The following DNAH12 variants were observed in gnomAD, a reference collection of about 807,000 sequenced individuals.
DNAH12 encodes axonemal beta dynein heavy chain 12.
A neutral mutation model predicts 371.5 loss-of-function variants in DNAH12; 285 were observed. The ratio of observed to expected loss-of-function variants is 0.77; its 90% CI spans 0.70 to 0.85. DNAH12 has a LOEUF of 0.85. Among genes scored for constraint, DNAH12 ranks in the 40% least tolerant of loss-of-function variants. The pLI, the probability that DNAH12 is intolerant of heterozygous loss-of-function variation, is 0.00. For missense variants in DNAH12, 3,611 were observed against 3,689.4 expected (o/e 0.98, Z 0.55); for synonymous variants, 1,200 against 1,213.0 (o/e 0.99, Z 0.22).
At chr3:57,322,819 AC>A (rs2061838903) in intron 64 of DNAH12, among the ~76,000 whole-genome samples, 187 bp downstream of exon 64, 1 of 152,188 alleles carries the variant, frequency 6.6e-6, no homozygotes. Flanking sequence ...AATCCCAGCT[AC>A]TGGGGAGGCT....
intron 70 of DNAH12, among the ~76,000 whole-genome samples, chr3:57,299,271 A>G (rs762577583): frequency 3.9e-5 from 6 of 152,340 alleles, no homozygotes; most frequent in Non-Finnish European, 5.9e-5. Context: ...CCTCTGAATT[A>G]GCTACCATTT....
intron 59 of DNAH12, among the ~76,000 whole-genome samples, chr3:57,354,600 C>A (rs1486537692): frequency 2.0e-5 from 3 of 149,800 alleles, no homozygotes; most frequent in Non-Finnish European, 4.4e-5. Flanking sequence ...CATAACCCAG[C>A]AATTGCACTC....
chr3:57,491,940 A>G (rs1407612206), intron 11 of DNAH12, among the ~76,000 whole-genome samples: 2 of 152,082 alleles, frequency 1.3e-5, no homozygotes, highest in African/African-American at 4.8e-5. Flanking sequence ...CAGAAGGCAG[A>G]GGCTGCGTTG....
chr3:57,510,399 G>A (rs1559736602), intron 5 of DNAH12, among the ~76,000 whole-genome samples: 2 of 152,136 alleles, frequency 1.3e-5, no homozygotes, highest in African/African-American at 4.8e-5. Flanking sequence ...AGCACTTTGG[G>A]AGGCTGAGGT....
chr3:57,550,915 G>T, the DNAH12 span, among the ~76,000 whole-genome samples: 2 of 142,158 alleles, frequency 1.4e-5, no homozygotes, highest in African/African-American at 5.3e-5. Context: ...GTCTCGCTCT[G>T]TCGCTGAGGC....
rs935973775 is a variant in DNAH12, at chr3:57,384,311, T to C, written c.7860+518A>G. On this transcript the variant is annotated intron_variant, in intron 49 of 73. Transcript: ENST00000495027. Reference sequence around the variant, plus strand: ...TCTATTCGTCTCATTCCCACTAGAATATCCTCAATGAAAATTATAAATAAT... The same window carrying C: ...TCTATTCGTCTCATTCCCACTAGAACATCCTCAATGAAAATTATAAATAAT... 4.1e-4 allele frequency among the ~76,000 whole-genome samples: 63 copies of C among 152,106 alleles called. No individual in the cohort carries two copies. In the East Asian group the frequency reaches 8.3e-3, roughly 20 times the overall value.
rs1289368710 is a variant in DNAH12 at position 57,421,541 on chromosome 3, G to C, written c.5539C>G (p.Leu1847Val). The change falls in exon 36 of 74, where the codon CTG becomes GTG. Residue 1847 changes from leucine to valine, a missense_variant. Transcript: ENST00000495027. ...ACCTCATACATGTAGTCATAGACCAGGCCTTTTTCATCAAATGGGCATTCC... is the reference window on the plus strand; with the variant it reads ...ACCTCATACATGTAGTCATAGACCACGCCTTTTTCATCAAATGGGCATTCC... ...KWECPFDEKG[L>V]VYDYMYELKN... 3.2e-6 allele frequency: 5 copies of C among 1,551,542 alleles called. 1 individual carries two copies. Among genetic ancestry groups the C allele is most frequent in the Middle Eastern group, 3.3e-4 (2 of 5,990 alleles).
chr3:57,387,987 TTC>T (rs2063530322), intron 45 of DNAH12, among the ~76,000 whole-genome samples: 3 of 152,150 alleles, frequency 2.0e-5, no homozygotes, highest in Admixed American at 6.6e-5. Flanking sequence ...TAGGTTGGGT[TTC>T]TGTTACTGGG....
chr3:57,452,717 A>G, intron 25 of DNAH12, 126 bp downstream of exon 25: 1 of 900,430 alleles, frequency 1.1e-6, no homozygotes, highest in Non-Finnish European at 1.6e-6. Context: ...AATTTTGCAT[A>G]AAGAGAATTC....
At chr3:57,477,001 C>T (rs191359923) in intron 13 of DNAH12, among the ~76,000 whole-genome samples, 3,659 of 152,192 alleles carry the variant, frequency 0.024, 67 homozygotes, top group Non-Finnish European at 0.034. Context: ...GTGTGAGCGA[C>T]GCAGAAGATG....
the DNAH12 span, among the ~76,000 whole-genome samples, chr3:57,555,045 C>A: frequency 1.4e-4 from 22 of 152,050 alleles, no homozygotes; most frequent in Admixed American, 3.9e-4. Context: ...CAGGAGTTCG[C>A]GACCAGCCCA....
At position 57,507,723 on chromosome 3, in the gene DNAH12, T is replaced by C. The variant is rs757801552; in HGVS notation, c.817A>G (p.Lys273Glu). The C allele has an allele frequency of 2.5e-6, 4 of 1,611,642 alleles. No individual in the cohort carries two copies. Among genetic ancestry groups the C allele is most frequent in the African/African-American group, 2.7e-5 (2 of 74,812 alleles). ...TTAACACCTTCTAGTGCCTCCTTCT[T>C]GGTAAAGAGATTTATAACCTTTGGA... ...WYPKVINLFT[K>E]KEALEGVKPE... Residue 273 changes from lysine (K) to glutamate (E), a missense_variant, in exon 8 of 74, where the codon AAG (lysine) becomes GAG (glutamate). Transcript: ENST00000495027.
rs1453718134 is a variant in DNAH12, at chr3:57,428,639, T to A, written c.5247A>T (p.Lys1749Asn). 6.5e-7 allele frequency: 1 copy of A among 1,529,156 alleles called. No individual in the cohort carries two copies. The highest frequency in any genetic ancestry group is 8.8e-7 in the Non-Finnish European group (1 of 1,140,480). The allele number at this position is 1,529,156 out of a possible 1,614,324, so 94.7% of individuals were successfully genotyped here. ...IPPSLNQRKK[K>N]CKELIPTSNS... ...CAGAGAATTATAGGATTACCTTGCA[T>A]TTTTTCTTACGCTGGTTTAAAGAGG... The change falls in exon 34 of 74, where the codon AAA (lysine) becomes AAT (asparagine). Residue 1749 changes from lysine to asparagine, a missense_variant. By Grantham distance (94) the Lys-to-Asn change is moderately conservative. This residue lies in a region of DNAH12 where 2,266 missense variants were observed against 2,236.9 expected (regional missense o/e 1.01). Transcript: ENST00000495027.
chr3:57,519,746 T>G lies in DNAH12; in HGVS notation c.279+3837A>C, dbSNP rs960192191. On this transcript the variant is annotated intron_variant, in intron 4 of 73. Transcript: ENST00000495027. Reference sequence around the variant, plus strand: ...TTGTTCTGTTTCACCCACAGGGACATGCAGCAGTTGCGGAAGGAATGATTA... The same window carrying G: ...TTGTTCTGTTTCACCCACAGGGACAGGCAGCAGTTGCGGAAGGAATGATTA... 2.5e-6 allele frequency: 4 copies of G among 1,610,114 alleles called. No individual in the cohort carries two copies. In the African/African-American group the frequency reaches 4.0e-5, roughly 16 times the overall value.
intron 34 of DNAH12, among the ~76,000 whole-genome samples, 154 bp from the exon 35 acceptor site, chr3:57,425,295 T>A (rs2064730671): frequency 6.6e-6 from 1 of 152,118 alleles, no homozygotes; most frequent in Non-Finnish European, 1.5e-5. Context: ...TCATCCAGGC[T>A]GGAGCCCAGT....
intron 39 of DNAH12, among the ~76,000 whole-genome samples, chr3:57,409,471 T>G (rs1553682366): frequency 1.3e-5 from 2 of 152,122 alleles, no homozygotes; most frequent in Non-Finnish European, 2.9e-5. Context: ...CTATTTGAGA[T>G]AAATATATAA....
chr3:57,306,170 C>T (rs536660475), intron 69 of DNAH12, among the ~76,000 whole-genome samples: 4 of 152,178 alleles, frequency 2.6e-5, no homozygotes, highest in African/African-American at 9.7e-5. Context: ...ACTGCCCGAT[C>T]GCCTCAGAAG....
intron 62 of DNAH12, among the ~76,000 whole-genome samples, chr3:57,332,948 A>G (rs1302711784): frequency 6.6e-6 from 1 of 152,204 alleles, no homozygotes; most frequent in Admixed American, 6.5e-5. Flanking sequence ...CCATCCTAAC[A>G]AATCTTAAAC....
chr3:57,551,397 T>G, the DNAH12 span, among the ~76,000 whole-genome samples: 17 of 151,694 alleles, frequency 1.1e-4, no homozygotes, highest in Admixed American at 2.6e-4. Context: ...TCAGCCTCCC[T>G]AGTAGCTGGG....
Sources: gnomAD v4.1 joint callset for allele counts (sites outside exome capture counted in the v4.1 genomes callset) on GRCh38, gnomAD v4.1.1 for gene constraint, gnomAD v4.1.1 regional missense constraint, MANE v1.5 for transcripts, NCBI Gene and HGNC (gene_info 2026-07-23, HGNC 2026-07-21) for gene names.